Variants in USP54 observed in about 807,000 individuals in gnomAD.
USP54 encodes the protein ubiquitin carboxyl-terminal hydrolase 54.
A neutral mutation model predicts 170.5 loss-of-function variants in USP54; 87 were observed. The ratio of observed to expected loss-of-function variants is 0.51; its 90% CI spans 0.43 to 0.61. The LOEUF (loss-of-function observed/expected upper bound fraction) is 0.61, where lower values mean the gene tolerates loss of function less well. Among genes scored for constraint, USP54 ranks in the 20% least tolerant of loss-of-function variants. USP54 has a pLI of 0.00. For missense variants in USP54, 1,786 were observed against 2,047.8 expected, an observed-to-expected ratio of 0.87 and a Z score of 2.47; for synonymous variants, 655 against 742.8, an observed-to-expected ratio of 0.88 and a Z score of 1.92.
upstream of USP54, among the ~76,000 whole-genome samples, chr10:73,593,476 AG>A (rs2078465319): frequency 6.6e-6 from 1 of 152,112 alleles, no homozygotes; most frequent in Admixed American, 6.5e-5. Context: ...ATAGTGTTTC[AG>A]ATTATTATTT....
At chr10:73,555,813 C>T (rs1003442121) in intron 4 of USP54, among the ~76,000 whole-genome samples, 8 of 152,098 alleles carry the variant, frequency 5.3e-5, no homozygotes, top group Non-Finnish European at 1.0e-4. Flanking sequence ...TAGGATCTGC[C>T]ATAAATTCTG....
intron 4 of USP54, among the ~76,000 whole-genome samples, chr10:73,556,438 C>T (rs1237747154): frequency 6.6e-6 from 1 of 151,590 alleles, no homozygotes. Context: ...CCTCCACCTC[C>T]CAGGTTGAAG....
intron 4 of USP54, among the ~76,000 whole-genome samples, chr10:73,547,096 C>T (rs1218266448): frequency 6.6e-6 from 1 of 152,222 alleles, no homozygotes; most frequent in Non-Finnish European, 1.5e-5. Flanking sequence ...TCTTTACCTA[C>T]ATCTGAACCC....
At position 73,534,673 on chromosome 10, in the gene USP54, G is replaced by C. The variant is rs1346267189; in HGVS notation, c.1242C>G (p.Phe414Leu). 2 of 1,614,156 alleles carry C rather than the reference G, an allele frequency of 1.2e-6. No homozygotes were observed. The highest frequency in any genetic ancestry group is 1.7e-5 in the Admixed American group (1 of 60,020). Reference protein sequence around the residue: ...HSHHESVVSHFSSDSQGTVIY... With the variant: ...HSHHESVVSHLSSDSQGTVIY... ...TGACTGTCCCCTGAGAATCAGAAGA[G>C]AAGTGACTGACCACAGACTCATGGT... Residue 414 changes from phenylalanine to leucine, a missense_variant, in exon 12 of 24, where the codon TTC becomes TTG. Transcript: ENST00000687698.
At chr10:73,537,330 CAAAG>C (rs2065442133) in intron 10 of USP54, among the ~76,000 whole-genome samples, 1 of 151,920 alleles carries the variant, frequency 6.6e-6, no homozygotes. Flanking sequence ...GCAAAAGAGA[CAAAG>C]AAAAGAATAA....
rs1052023562 is a variant in USP54 at position 73,497,943 on chromosome 10, G to C, written c.*686C>G. Reference sequence around the variant, plus strand: ...AAGAGTAGAAGTTGGGAGTATAGTAGGGAACAGAGGATGAGGGCTCAGGTG... The same window carrying C: ...AAGAGTAGAAGTTGGGAGTATAGTACGGAACAGAGGATGAGGGCTCAGGTG... On this transcript the variant is annotated 3_prime_UTR_variant, in exon 24 of 24. Coordinates refer to ENST00000687698, the MANE Select transcript of USP54 (RefSeq NM_001391956.1). 6.6e-6 allele frequency: 1 copy of C among 152,350 alleles called. No homozygotes were observed. The highest frequency in any genetic ancestry group is 2.4e-5 in the African/African-American group (1 of 41,456). 9.4% of individuals were successfully genotyped at this position (152,350 alleles called of 1,614,324 possible).
chr10:73,589,579 T>C (rs992570118), intron 1 of USP54, among the ~76,000 whole-genome samples: 1 of 152,244 alleles, frequency 6.6e-6, no homozygotes, highest in Non-Finnish European at 1.5e-5. Flanking sequence ...ATTCCATCAA[T>C]GCATTATTTA....
In USP54 at chr10:73,527,832, G is replaced by A. The variant is rs1192075096; in HGVS notation, c.2061-1052C>T. Among the ~76,000 whole-genome samples, 19 of 74,958 alleles carry A rather than the reference G, an allele frequency of 2.5e-4. No homozygotes were observed. In the South Asian group the frequency reaches 7.5e-3, roughly 30 times the overall value. 49.2% of individuals were successfully genotyped at this position (74,958 alleles called of 152,430 possible). On this transcript the variant is annotated intron_variant, in intron 15 of 23. Coordinates refer to ENST00000687698, the MANE Select transcript of USP54 (RefSeq NM_001391956.1). ...CTGGGCAAAATGATGAAACCCCATC[G>A]ATACCAAAAAAAAAAAAAAAAAAAA...
At chr10:73,499,620 G>A (rs2057639438) in intron 23 of USP54, 1 of 157,168 alleles carries the variant, frequency 6.4e-6, no homozygotes, top group Non-Finnish European at 1.4e-5. Context: ...GTGTTGCCCA[G>A]GCTGGTCTCG....
At chr10:73,616,335 CAAAAAAAAAAAA>C (rs60197778) in intron 1 of USP54, among the ~76,000 whole-genome samples, 3 of 25,774 alleles carry the variant, frequency 1.2e-4, no homozygotes, top group South Asian at 8.0e-4. Context: ...GACTCCATCT[CAAAAAAAAAAAA>C]AAAAAAAAAA....
chr10:73,532,899 A>C (rs534505347), intron 12 of USP54, among the ~76,000 whole-genome samples: 1 of 152,370 alleles, frequency 6.6e-6, no homozygotes, highest in Admixed American at 6.5e-5. Context: ...GACCTCATTT[A>C]GATGCTGAGT....
intron 4 of USP54, among the ~76,000 whole-genome samples, chr10:73,569,644 T>A (rs1309136507): frequency 3.3e-5 from 5 of 150,562 alleles, no homozygotes. Context: ...TCCCAGCTAC[T>A]CGGGAGGTTG....
At chr10:73,560,728 C>G (rs1169190622) in intron 4 of USP54, among the ~76,000 whole-genome samples, 1 of 142,566 alleles carries the variant, frequency 7.0e-6, no homozygotes, top group Non-Finnish European at 1.5e-5. Context: ...CTCTTTCCAT[C>G]AAATAGGACA....
At chr10:73,588,962 A>T (rs2077875813) in intron 1 of USP54, among the ~76,000 whole-genome samples, 1 of 152,242 alleles carries the variant, frequency 6.6e-6, no homozygotes, top group Admixed American at 6.5e-5. Flanking sequence ...AGGAAGGAGC[A>T]GTCATTTACA....
At chr10:73,567,179 G>A (rs866900761) in intron 4 of USP54, among the ~76,000 whole-genome samples, 4 of 151,828 alleles carry the variant, frequency 2.6e-5, no homozygotes, top group African/African-American at 7.3e-5. Flanking sequence ...ACATCCTGCC[G>A]GTACTGGCAA....
At chr10:73,596,417 G>A (rs1337992184) in intron 1 of USP54, among the ~76,000 whole-genome samples, 2 of 152,062 alleles carry the variant, frequency 1.3e-5, no homozygotes, top group Non-Finnish European at 2.9e-5. Flanking sequence ...AAATTAGCCA[G>A]GCGTAGTGGC....
At position 73,525,464 on chromosome 10, in the gene USP54, T is replaced by C. The variant is rs566662900; in HGVS notation, c.2194+1183A>G. On this transcript the variant is annotated intron_variant, in intron 16 of 23. Transcript: ENST00000687698. Reference sequence around the variant, plus strand: ...TTATCTTTTACCAGTTGAAGAACGCTGTTGGTGAATTCTATCCAACTGGTC... The same window carrying C: ...TTATCTTTTACCAGTTGAAGAACGCCGTTGGTGAATTCTATCCAACTGGTC... Among the ~76,000 whole-genome samples, 11 of 152,338 alleles carry C rather than the reference T, an allele frequency of 7.2e-5. No homozygotes were observed. The South Asian group carries it at 2.1e-3, about 29-fold the overall frequency.
chr10:73,530,313 C>T lies in USP54; in HGVS notation c.1658G>A (p.Arg553His), dbSNP rs150999517. ...KPPRTLPLHS[R>H]DWEIESTSSE... ...GCTGGTACTCTCTATTTCCCAGTCA[C>T]GAGAGTGTAAAGGCAGGGTCCTAGG... is the stretch of plus-strand genomic sequence containing the variant. Residue 553 changes from arginine to histidine, a missense_variant, in exon 14 of 24, where the codon CGT becomes CAT. This residue lies in a region of USP54 where 1,418 missense variants were observed against 1,569.0 expected (regional missense o/e 0.90). Transcript: ENST00000687698. The T allele has an allele frequency of 9.3e-6, 15 of 1,614,118 alleles. No individual in the cohort carries two copies. Among genetic ancestry groups the T allele is most frequent in the Admixed American group, 1.7e-5 (1 of 60,012 alleles).
chr10:73,623,332 G>A (rs995646550), intron 1 of USP54, among the ~76,000 whole-genome samples: 1 of 152,188 alleles, frequency 6.6e-6, no homozygotes, highest in South Asian at 2.1e-4. Context: ...GTGGCAGTGA[G>A]CTGTGATGAC....
Sources: gnomAD v4.1 joint callset for allele counts (sites outside exome capture counted in the v4.1 genomes callset) on GRCh38, gnomAD v4.1.1 for gene constraint, gnomAD v4.1.1 regional missense constraint, MANE v1.5 for transcripts, NCBI Gene and HGNC (gene_info 2026-07-23, HGNC 2026-07-21) for gene names.